Variants in RAF1 observed in about 807,000 individuals in gnomAD.
RAF1 encodes RAF proto-oncogene serine/threonine-protein kinase.
A neutral mutation model predicts 81.1 loss-of-function variants in RAF1; 27 were observed. The observed-to-expected ratio is 0.33, with a 90% CI of 0.25 to 0.46. The LOEUF (loss-of-function observed/expected upper bound fraction) is 0.46, where lower values mean the gene tolerates loss of function less well. Among genes scored for constraint, RAF1 ranks in the 20% least tolerant of loss-of-function variants. The pLI is 1.00. For missense variants in RAF1, 598 were observed against 826.0 expected, an observed-to-expected ratio of 0.72 and a Z score of 3.38; for synonymous variants, 298 against 294.0, an observed-to-expected ratio of 1.01 and a Z score of -0.14.
chr3:12,619,497 G>A (rs2059485783), intron 1 of RAF1, among the ~76,000 whole-genome samples: 2 of 151,570 alleles, frequency 1.3e-5, no homozygotes, highest in Admixed American at 1.3e-4. Flanking sequence ...CCCAGGAGGT[G>A]GAGGTTGCAG....
chr3:12,608,600 C>G, intron 5 of RAF1, 166 bp downstream of exon 5: 2 of 778,538 alleles, frequency 2.6e-6, no homozygotes, highest in Non-Finnish European at 4.3e-6. Flanking sequence ...TGCCACCAAA[C>G]CTAGCTAGTT....
intron 16 of RAF1, 70 bp downstream of exon 15, chr3:12,585,052 T>C: frequency 6.2e-7 from 1 of 1,613,992 alleles, no homozygotes; most frequent in Non-Finnish European, 8.5e-7. Context: ...CCTAACCCTC[T>C]AGCTGCTTAG....
chr3:12,629,306 C>CA (rs2059797389), intron 1 of RAF1, among the ~76,000 whole-genome samples: 1 of 152,102 alleles, frequency 6.6e-6, no homozygotes, highest in Non-Finnish European at 1.5e-5. Flanking sequence ...GCTATCTGAA[C>CA]AAAAACAATA....
At chr3:12,615,100 A>G (rs1432234336) in intron 2 of RAF1, among the ~76,000 whole-genome samples, 4 of 152,226 alleles carry the variant, frequency 2.6e-5, no homozygotes, top group Non-Finnish European at 5.9e-5. Context: ...TGTCCAACAC[A>G]TCCAAGGATT....
intron 1 of RAF1, among the ~76,000 whole-genome samples, chr3:12,644,520 T>A (rs1055428272): frequency 6.6e-6 from 1 of 152,140 alleles, no homozygotes; most frequent in Non-Finnish European, 1.5e-5. Context: ...AAAACTTCTG[T>A]CCAAAAGAGA....
At chr3:12,649,416 A>G (rs1444827238) in intron 1 of RAF1, among the ~76,000 whole-genome samples, 1 of 152,162 alleles carries the variant, frequency 6.6e-6, no homozygotes, top group East Asian at 1.9e-4. Context: ...TGGTCAACAG[A>G]GTGACACCTC....
At chr3:12,587,376 C>T in intron 14 of RAF1, 1 of 606,858 alleles carries the variant, frequency 1.6e-6, no homozygotes, top group Non-Finnish European at 3.0e-6. Context: ...AGGAACCTAA[C>T]CTAAACATCG....
chr3:12,609,885 C>A (rs1440501885), intron 3 of RAF1, among the ~76,000 whole-genome samples: 1 of 152,154 alleles, frequency 6.6e-6, no homozygotes, highest in Non-Finnish European at 1.5e-5. Context: ...ATCCCCAAAT[C>A]CTGTAAAATG....
At chr3:12,606,445 A>C (rs2059032368) in intron 5 of RAF1, 146 bp from the exon 6 acceptor site, 1 of 690,646 alleles carries the variant, frequency 1.4e-6, no homozygotes, top group African/African-American at 1.8e-5. Context: ...ATTACCTAGA[A>C]TAAAGGGAAC....
intron 1 of RAF1, among the ~76,000 whole-genome samples, chr3:12,627,152 A>G (rs1472170012): frequency 6.6e-6 from 1 of 152,188 alleles, no homozygotes; most frequent in African/African-American, 2.4e-5. Flanking sequence ...CTTGTATTCT[A>G]TAGGCAAACA....
chr3:12,648,837 G>A (rs1439166988), intron 1 of RAF1, among the ~76,000 whole-genome samples: 2 of 152,188 alleles, frequency 1.3e-5, no homozygotes, highest in Non-Finnish European at 2.9e-5. Flanking sequence ...CCCATCGGCC[G>A]GATGCGGTGG....
rs2058247258 is a variant in RAF1, at chr3:12,584,383, G to A, written c.*131C>T. On this transcript the variant is annotated 3_prime_UTR_variant, in exon 18 of 18. Coordinates refer to ENST00000442415, the MANE Select transcript of RAF1 (RefSeq NM_001354689.3). ...GCAACATGAAGTTAAGGCCCTGTGA[G>A]CAGTCTAGAAGGTCCTTAGCAGCAG... The A allele has an allele frequency of 4.3e-6, 5 of 1,156,668 alleles. No individual in the cohort carries two copies. The highest frequency in any genetic ancestry group is 2.5e-5 in the East Asian group (1 of 40,608). 71.7% of individuals were successfully genotyped at this position (1,156,668 alleles called of 1,614,324 possible).
chr3:12,590,746 A>G (rs759042443), intron 13 of RAF1, 52 bp downstream of exon 12: 1 of 1,546,476 alleles, frequency 6.5e-7, no homozygotes, highest in East Asian at 2.2e-5. Context: ...GTTCCAATTT[A>G]GGGACAAATT....
chr3:12,583,817 C>T lies in RAF1; in HGVS notation c.*697G>A, dbSNP rs535758065. The stretch of plus-strand genomic sequence containing the variant: ...ACAAGGCTGGCCCTGCGGCCCCGCC[C>T]CATAGGGGCAGCTCCTGGAAGACAA... On this transcript the variant is annotated 3_prime_UTR_variant, in exon 18 of 18. Transcript: ENST00000442415. 10 of 233,868 alleles carry T rather than the reference C, an allele frequency of 4.3e-5. No individual in the cohort carries two copies. The allele number at this position is 233,868 out of a possible 1,614,324, so 14.5% of individuals were successfully genotyped here.
At chr3:12,630,769 C>G (rs2059836543) in intron 1 of RAF1, among the ~76,000 whole-genome samples, 2 of 152,184 alleles carry the variant, frequency 1.3e-5, no homozygotes. Flanking sequence ...ACTGAAAGGT[C>G]TTGAGCAGAG....
In RAF1 at chr3:12,584,544, C is replaced by T. The variant is rs151027203; in HGVS notation, c.1977G>A (p.Leu659=). ...AGACAGGCAGCCTCGGGGACGTGGTCAGCGTGCAAGCATTGATATCCTCAG... is the reference window on the plus strand; with the variant it reads ...AGACAGGCAGCCTCGGGGACGTGGTTAGCGTGCAAGCATTGATATCCTCAG... Residue 659 remains leucine, a synonymous_variant, in exon 18 of 18, where the codon CTG becomes CTA. Transcript: ENST00000442415. 1.5e-5 allele frequency: 24 copies of T among 1,614,054 alleles called. No homozygotes were observed. Among genetic ancestry groups the T allele is most frequent in the Non-Finnish European group, 1.9e-5 (23 of 1,180,050 alleles).
At chr3:12,654,938 G>A (rs1257164338) in intron 1 of RAF1, among the ~76,000 whole-genome samples, 1 of 150,668 alleles carries the variant, frequency 6.6e-6, no homozygotes, top group Non-Finnish European at 1.5e-5. Context: ...TACTTTAGGA[G>A]GCTAAAATGG....
At chr3:12,585,346 T>C (rs61762463) in intron 15 of RAF1, 93 bp from the exon 15 acceptor site, 4 of 1,585,208 alleles carry the variant, frequency 2.5e-6, no homozygotes, top group Middle Eastern at 2.2e-4. Context: ...TCATTAGTTA[T>C]GAATGAGTCC....
chr3:12,646,361 G>A (rs1020750547), intron 1 of RAF1, among the ~76,000 whole-genome samples: 2 of 143,692 alleles, frequency 1.4e-5, no homozygotes, highest in African/African-American at 5.3e-5. Flanking sequence ...ATATAATAAC[G>A]ATATTACCGG....
Sources: allele counts gnomAD v4.1 joint callset (sites outside exome capture counted in the v4.1 genomes callset), GRCh38; gene constraint gnomAD v4.1.1; transcripts MANE v1.5; gene names NCBI Gene and HGNC (gene_info 2026-07-23, HGNC 2026-07-21).